ARHGAP10: variants seen among roughly 807,000 people sequenced by gnomAD.
ARHGAP10 encodes Rho GTPase activating protein 10.
In ARHGAP10, 87 loss-of-function variants were observed where a neutral mutation model predicts 108.6. The ratio of observed to expected loss-of-function variants is 0.80; its 90% CI spans 0.67 to 0.96. The LOEUF is 0.96. Ranked by LOEUF, ARHGAP10 falls within the 40% of genes least tolerant of loss-of-function variation. The pLI, the probability that ARHGAP10 is intolerant of heterozygous loss-of-function variation, is 0.00. For missense variants in ARHGAP10, 939 were observed against 954.5 expected (o/e 0.98, Z 0.21); for synonymous variants, 347 against 341.1 (o/e 1.02, Z -0.19).
chr4:147,932,326 A>G (rs1235254356), intron 13 of ARHGAP10, among the ~76,000 whole-genome samples: 1 of 152,320 alleles, frequency 6.6e-6, no homozygotes, highest in South Asian at 2.1e-4. Flanking sequence ...AGGAATGTAA[A>G]TTGTTTTATT....
intron 1 of ARHGAP10, among the ~76,000 whole-genome samples, chr4:147,789,607 C>T (rs1731038365): frequency 1.3e-5 from 2 of 152,182 alleles, no homozygotes; most frequent in African/African-American, 4.8e-5. Flanking sequence ...AATGACATTC[C>T]TAACTAATGC....
chr4:148,003,222 G>A (rs924161756), intron 18 of ARHGAP10, among the ~76,000 whole-genome samples: 2 of 152,168 alleles, frequency 1.3e-5, no homozygotes, highest in African/African-American at 4.8e-5. Flanking sequence ...TAGTTGATCG[G>A]TTTTGAGTGA....
intron 18 of ARHGAP10, among the ~76,000 whole-genome samples, chr4:147,997,059 C>T (rs981608545): frequency 3.3e-5 from 5 of 152,212 alleles, no homozygotes; most frequent in Non-Finnish European, 5.9e-5. Context: ...GAACACTGAG[C>T]AGGCAAAACT....
intron 1 of ARHGAP10, among the ~76,000 whole-genome samples, chr4:147,745,132 T>G: frequency 6.7e-6 from 1 of 149,146 alleles, no homozygotes; most frequent in African/African-American, 2.5e-5. Flanking sequence ...CACAGAGAGG[T>G]CAAGTAGCTT....
chr4:147,994,706 C>A (rs968223675), intron 18 of ARHGAP10, among the ~76,000 whole-genome samples: 1 of 152,118 alleles, frequency 6.6e-6, no homozygotes. Flanking sequence ...CTAGGCTATC[C>A]CATTCTTAGG....
At chr4:147,942,867 G>A (rs1738212148) in intron 14 of ARHGAP10, among the ~76,000 whole-genome samples, 1 of 152,246 alleles carries the variant, frequency 6.6e-6, no homozygotes, top group African/African-American at 2.4e-5. Flanking sequence ...CCTGGACCAA[G>A]CTTCTTAAGC....
chr4:147,891,413 TAG>T (rs1735790967), intron 10 of ARHGAP10, among the ~76,000 whole-genome samples: 1 of 152,186 alleles, frequency 6.6e-6, no homozygotes, highest in African/African-American at 2.4e-5. Flanking sequence ...TCTATATAGA[TAG>T]AGAGTAAATG....
intron 1 of ARHGAP10, among the ~76,000 whole-genome samples, chr4:147,805,114 A>G (rs1407553518): frequency 1.3e-5 from 2 of 152,194 alleles, no homozygotes; most frequent in East Asian, 1.9e-4. Context: ...CAGGTTTTAC[A>G]TTGAAGTCTT....
intron 15 of ARHGAP10, among the ~76,000 whole-genome samples, chr4:147,947,367 A>G (rs1690028116): frequency 6.6e-6 from 1 of 151,832 alleles, no homozygotes; most frequent in Non-Finnish European, 1.5e-5. Context: ...TCTGTTGGGA[A>G]CTTAGATTTT....
intron 1 of ARHGAP10, among the ~76,000 whole-genome samples, chr4:147,776,449 A>G (rs1347025599): frequency 6.6e-6 from 1 of 152,128 alleles, no homozygotes; most frequent in African/African-American, 2.4e-5. Flanking sequence ...CGAAAGGCTG[A>G]TCTCAAGTGA....
In ARHGAP10 at chr4:147,810,110, G is replaced by T. The variant is rs566400234; in HGVS notation, c.155-12617G>T. Reference sequence around the variant, plus strand: ...TACATTCACCCTTTTTGAGCGGGAAGAAGAAAGGAGTGATATTGAGTGGTG... The same window carrying T: ...TACATTCACCCTTTTTGAGCGGGAATAAGAAAGGAGTGATATTGAGTGGTG... On this transcript the variant is annotated intron_variant, in intron 1 of 22. Transcript: ENST00000336498. 2.0e-5 allele frequency among the ~76,000 whole-genome samples: 3 copies of T among 152,278 alleles called. No individual in the cohort carries two copies. The South Asian group carries it at 6.2e-4, about 32-fold the overall frequency.
chr4:147,832,109 C>T (rs974004758), intron 3 of ARHGAP10, among the ~76,000 whole-genome samples: 1 of 152,126 alleles, frequency 6.6e-6, no homozygotes, highest in Non-Finnish European at 1.5e-5. Context: ...CCCACCCACA[C>T]ACACACAAGG....
chr4:147,901,667 T>C (rs1223309395), intron 10 of ARHGAP10, among the ~76,000 whole-genome samples: 4 of 152,224 alleles, frequency 2.6e-5, no homozygotes, highest in Non-Finnish European at 5.9e-5. Flanking sequence ...ATAATATGGC[T>C]GTTTAATCTG....
At chr4:147,870,562 C>CTTT (rs34085253) in intron 7 of ARHGAP10, among the ~76,000 whole-genome samples, 3 of 139,798 alleles carry the variant, frequency 2.1e-5, no homozygotes, top group African/African-American at 7.7e-5. Context: ...AGTGGCTAGA[C>CTTT]TTTTTTTTTT....
chr4:147,795,483 TG>T (rs1325289800), intron 1 of ARHGAP10, among the ~76,000 whole-genome samples: 1 of 152,060 alleles, frequency 6.6e-6, no homozygotes, highest in African/African-American at 2.4e-5. Flanking sequence ...AGGGTCTCTG[TG>T]GGTCCTTCAG....
intron 1 of ARHGAP10, among the ~76,000 whole-genome samples, chr4:147,788,452 G>GA (rs1017249349): frequency 9.4e-4 from 139 of 147,810 alleles, no homozygotes; most frequent in African/African-American, 2.9e-3. Flanking sequence ...TTCTCAAAAA[G>GA]AAAAAAAAAA....
intron 20 of ARHGAP10, among the ~76,000 whole-genome samples, chr4:148,057,562 A>G (rs1451951902): frequency 2.0e-5 from 3 of 152,224 alleles, no homozygotes; most frequent in African/African-American, 7.2e-5. Context: ...ACAGGGCTAG[A>G]TTGCACAGTT....
intron 19 of ARHGAP10, among the ~76,000 whole-genome samples, chr4:148,033,248 T>C (rs2149671310): frequency 1.3e-5 from 2 of 152,358 alleles, no homozygotes; most frequent in South Asian, 2.1e-4. Context: ...GATGTACTTA[T>C]AAGAGGACCT....
intron 22 of ARHGAP10, among the ~76,000 whole-genome samples, chr4:148,068,503 T>A (rs190274745): frequency 6.6e-6 from 1 of 152,174 alleles, no homozygotes; most frequent in African/African-American, 2.4e-5. Context: ...GAGAAAAAAA[T>A]ATCGAGTGAA....
Sources: gnomAD v4.1 joint callset for allele counts (sites outside exome capture counted in the v4.1 genomes callset) on GRCh38, gnomAD v4.1.1 for gene constraint, MANE v1.5 for transcripts, NCBI Gene and HGNC (gene_info 2026-07-23, HGNC 2026-07-21) for gene names.